Variants in PUDP observed in about 807,000 individuals in gnomAD.
PUDP encodes pseudouridine-5'-phosphatase.
In PUDP, 8 loss-of-function variants were observed where a neutral mutation model predicts 9.4. That is an observed-to-expected ratio of 0.85 (90% CI 0.50 to 1.53). The LOEUF (loss-of-function observed/expected upper bound fraction) is 1.53, where lower values mean the gene tolerates loss of function less well. PUDP is among the 40% of genes most tolerant of loss of function. PUDP has a pLI of 0.00. For synonymous variants in PUDP, 99 were observed against 80.7 expected (o/e 1.23, Z -1.22); for missense variants, 188 against 189.7 (o/e 0.99, Z 0.05).
chrX:6,998,268 T>C (rs1042687145), intron 1 of PUDP, among the ~76,000 whole-genome samples: 1 of 111,337 alleles, frequency 9.0e-6, no homozygotes, highest in Non-Finnish European at 1.9e-5. Flanking sequence ...AATAATGCCT[T>C]GTATGACACA....
At chrX:6,731,447 C>G (rs1924806837) in intron 3 of PUDP, among the ~76,000 whole-genome samples, 1 of 111,363 alleles carries the variant, frequency 9.0e-6, no homozygotes, top group Admixed American at 9.6e-5. Context: ...TGGTGAAAAA[C>G]CAACTAAAAT....
intron 1 of PUDP, among the ~76,000 whole-genome samples, chrX:7,029,007 C>T (rs912451199): frequency 3.6e-5 from 4 of 111,813 alleles, no homozygotes; most frequent in African/African-American, 1.3e-4. Flanking sequence ...TTAGGGCCCA[C>T]TCTAGTGACC....
intron 2 of PUDP, among the ~76,000 whole-genome samples, chrX:7,089,390 G>C (rs1047866889): frequency 9.0e-6 from 1 of 111,110 alleles, no homozygotes; most frequent in African/African-American, 3.3e-5. Flanking sequence ...TTTTATCTAC[G>C]TCCTCCACTG....
chrX:7,044,898 G>A (rs1929965229), downstream of PUDP, among the ~76,000 whole-genome samples: 1 of 112,579 alleles, frequency 8.9e-6, no homozygotes, highest in Non-Finnish European at 1.9e-5. Context: ...TGGTTGGTGG[G>A]CTTAGCAGCT....
intron 1 of PUDP, among the ~76,000 whole-genome samples, chrX:6,712,988 G>A (rs961199479): frequency 2.7e-5 from 3 of 111,733 alleles, no homozygotes; most frequent in African/African-American, 6.5e-5. Flanking sequence ...TGGAAGTTTC[G>A]GTGAGCCAAG....
chrX:7,110,973 T>C (rs1444408806), intron 1 of PUDP, among the ~76,000 whole-genome samples: 1 of 111,970 alleles, frequency 8.9e-6, no homozygotes, highest in Non-Finnish European at 1.9e-5. Context: ...GGGGATATGA[T>C]GGCTTAGCTT....
chrX:6,874,700 T>C (rs1476957586), intron 3 of PUDP, among the ~76,000 whole-genome samples: 1 of 112,485 alleles, frequency 8.9e-6, no homozygotes, highest in Admixed American at 9.4e-5. Context: ...TCTGACTAGG[T>C]GTGTTGCTAG....
At chrX:6,932,301 G>C (rs920498716) in intron 3 of PUDP, among the ~76,000 whole-genome samples, 1 of 111,812 alleles carries the variant, frequency 8.9e-6, no homozygotes, top group Non-Finnish European at 1.9e-5. Flanking sequence ...TGTTCTTGCC[G>C]GGAGGGCTTC....
chrX:7,107,473 T>G, intron 1 of PUDP, among the ~76,000 whole-genome samples: 1 of 112,439 alleles, frequency 8.9e-6, no homozygotes, highest in Non-Finnish European at 1.9e-5. Context: ...TAGGTATGCA[T>G]GCTTGTCTGT....
intron 3 of PUDP, among the ~76,000 whole-genome samples, chrX:7,055,133 A>C (rs1031313645): frequency 1.8e-5 from 2 of 111,906 alleles, no homozygotes; most frequent in African/African-American, 6.5e-5. Context: ...AGCATCTGGA[A>C]GTTTGGGTTT....
chrX:6,934,346 G>T (rs868192175), intron 3 of PUDP, among the ~76,000 whole-genome samples: 1 of 105,500 alleles, frequency 9.5e-6, no homozygotes, highest in South Asian at 4.3e-4. Context: ...TTAAAGAAAA[G>T]AATTTTCAAC....
chrX:7,037,955 TA>T (rs1929875047), intron 1 of PUDP, among the ~76,000 whole-genome samples: 1 of 111,535 alleles, frequency 9.0e-6, no homozygotes, highest in Admixed American at 9.5e-5. Flanking sequence ...AAAATGCTGT[TA>T]ATGAGGATGA....
intron 3 of PUDP, among the ~76,000 whole-genome samples, chrX:6,813,461 G>C (rs1056214167): frequency 1.8e-5 from 2 of 111,419 alleles, no homozygotes; most frequent in Non-Finnish European, 3.8e-5. Flanking sequence ...CTTTGGAACA[G>C]AGACTTCCTT....
At chrX:6,951,242 ATCATATC>A (rs1447058513) in intron 3 of PUDP, among the ~76,000 whole-genome samples, 19 of 71,225 alleles carry the variant, frequency 2.7e-4, no homozygotes, top group East Asian at 2.4e-3. Flanking sequence ...CCATCCATCC[ATCATATC>A]TATCTATCTA....
At chrX:6,714,959 A>ATATGTGTGTG (rs1278361929) in intron 1 of PUDP, among the ~76,000 whole-genome samples, 1 of 105,622 alleles carries the variant, frequency 9.5e-6, no homozygotes, top group Non-Finnish European at 1.9e-5. Context: ...ATAGATATAG[A>ATATGTGTGTG]TATGTGTGTG....
intron 1 of PUDP, among the ~76,000 whole-genome samples, chrX:7,000,645 T>C (rs1929313190): frequency 9.4e-6 from 1 of 106,234 alleles, no homozygotes; most frequent in African/African-American, 3.4e-5. Context: ...AGAAAAAAAA[T>C]TACAAAGACC....
At chrX:6,899,673 AGATGATGATGATGAT>A (rs72211121) in intron 3 of PUDP, among the ~76,000 whole-genome samples, 2 of 105,310 alleles carry the variant, frequency 1.9e-5, no homozygotes, top group African/African-American at 6.9e-5. Flanking sequence ...TCTGTGATAG[AGATGATGATGATGAT>A]GATGATGATG....
chrX:6,941,679 CT>C (rs1193132417), intron 3 of PUDP, among the ~76,000 whole-genome samples: 5 of 91,017 alleles, frequency 5.5e-5, no homozygotes, highest in Non-Finnish European at 9.8e-5. Context: ...AAGAACAAAA[CT>C]TGGGATTTTT....
intron 3 of PUDP, among the ~76,000 whole-genome samples, chrX:6,832,044 A>G (rs1926511894): frequency 8.9e-6 from 1 of 112,053 alleles, no homozygotes; most frequent in African/African-American, 3.2e-5. Context: ...ACCAACAAAA[A>G]CAAATACAAA....
Sources: allele counts gnomAD v4.1 joint callset (sites outside exome capture counted in the v4.1 genomes callset), GRCh38; gene constraint gnomAD v4.1.1; transcripts MANE v1.5; gene names NCBI Gene and HGNC (gene_info 2026-07-23, HGNC 2026-07-21).